CCDC91: variants seen among roughly 807,000 people sequenced by gnomAD.
CCDC91 encodes the protein coiled-coil domain containing 91.
A neutral mutation model predicts 63.2 loss-of-function variants in CCDC91; 48 were observed. That is an observed-to-expected ratio of 0.76 (90% CI 0.60 to 0.97). The LOEUF (loss-of-function observed/expected upper bound fraction) is 0.97. Among genes scored for constraint, CCDC91 ranks in the 50% least tolerant of loss-of-function variants. The pLI is 0.00. For synonymous variants in CCDC91, 167 were observed against 165.8 expected (o/e 1.01, Z -0.06); for missense variants, 500 against 494.6 (o/e 1.01, Z -0.10).
chr12:28,468,777 G>T (rs1382351539), intron 11 of CCDC91, among the ~76,000 whole-genome samples: 1 of 152,008 alleles, frequency 6.6e-6, no homozygotes, highest in Non-Finnish European at 1.5e-5. Flanking sequence ...TGCAAGGACG[G>T]TTAACAAATG....
At chr12:28,341,973 T>C (rs1942458096) in intron 6 of CCDC91, among the ~76,000 whole-genome samples, 1 of 152,238 alleles carries the variant, frequency 6.6e-6, no homozygotes, top group South Asian at 2.1e-4. Context: ...ATATGTTGCA[T>C]GTCAAGAGAT....
intron 3 of CCDC91, among the ~76,000 whole-genome samples, chr12:28,266,791 TA>T (rs1947216805): frequency 6.6e-6 from 1 of 151,876 alleles, no homozygotes; most frequent in Admixed American, 6.6e-5. Flanking sequence ...CTGATACTGC[TA>T]AAAAATGAAG....
At chr12:28,275,467 A>T (rs1948142805) in intron 3 of CCDC91, among the ~76,000 whole-genome samples, 1 of 152,156 alleles carries the variant, frequency 6.6e-6, no homozygotes, top group Non-Finnish European at 1.5e-5. Flanking sequence ...TCTGAAATTG[A>T]GGCAGTAAGT....
chr12:28,485,108 A>G (rs768416901), intron 12 of CCDC91, among the ~76,000 whole-genome samples: 2 of 151,868 alleles, frequency 1.3e-5, no homozygotes, highest in Non-Finnish European at 2.9e-5. Context: ...TGCAGTTGGC[A>G]GTTCAAGAAG....
At chr12:28,243,443 C>T (rs1236630965) in intron 1 of CCDC91, among the ~76,000 whole-genome samples, 2 of 152,194 alleles carry the variant, frequency 1.3e-5, no homozygotes, top group Non-Finnish European at 2.9e-5. Context: ...GAATTCACTA[C>T]ATTCACCAAA....
At chr12:28,475,460 A>G (rs1951032263) in intron 11 of CCDC91, among the ~76,000 whole-genome samples, 3 of 152,098 alleles carry the variant, frequency 2.0e-5, no homozygotes, top group Admixed American at 6.6e-5. Flanking sequence ...TAAAATTTTT[A>G]GAGGATTAAG....
chr12:28,524,914 T>A (rs1456904234), intron 12 of CCDC91, among the ~76,000 whole-genome samples: 1 of 152,164 alleles, frequency 6.6e-6, no homozygotes, highest in African/African-American at 2.4e-5. Flanking sequence ...TGAATGATGT[T>A]TAGTATTTCT....
At chr12:28,210,366 G>A (rs750548463) in intron 1 of CCDC91, among the ~76,000 whole-genome samples, 8 of 152,092 alleles carry the variant, frequency 5.3e-5, no homozygotes, top group African/African-American at 7.2e-5. Flanking sequence ...AAATATTTAA[G>A]TGCCTATTTT....
rs1325262493 is a variant in CCDC91, at chr12:28,521,038, T to C, written c.1216-28025T>C. On this transcript the variant is annotated intron_variant, in intron 12 of 12. Transcript: ENST00000536442. The stretch of plus-strand genomic sequence containing the variant: ...CCAGCTTTGTTCTTTTGGCTTAGGA[T>C]TGACTTGGCAATGCGGGCTCTTTTT... 2.0e-5 allele frequency among the ~76,000 whole-genome samples: 3 copies of C among 152,358 alleles called. No individual in the cohort carries two copies. In the East Asian group the frequency reaches 5.8e-4, roughly 29 times the overall value.
At chr12:28,325,838 A>G (rs12311504) in intron 6 of CCDC91, among the ~76,000 whole-genome samples, 62,861 of 151,814 alleles carry the variant, frequency 0.41, 13,380 homozygotes, top group South Asian at 0.47. Context: ...TGAAACTTCT[A>G]TTTAGGAAAT....
At chr12:28,280,439 A>ATT (rs1294204943) in intron 3 of CCDC91, among the ~76,000 whole-genome samples, 1 of 152,062 alleles carries the variant, frequency 6.6e-6, no homozygotes, top group East Asian at 1.9e-4. Context: ...CATTTACAAC[A>ATT]TGACACTAGC....
chr12:28,231,396 T>C (rs934420232), intron 1 of CCDC91, among the ~76,000 whole-genome samples: 5 of 152,244 alleles, frequency 3.3e-5, no homozygotes, highest in Admixed American at 1.3e-4. Flanking sequence ...GGGACATCAA[T>C]AGCTGATTAA....
chr12:28,497,546 C>A (rs938774412), intron 12 of CCDC91, among the ~76,000 whole-genome samples: 4 of 151,454 alleles, frequency 2.6e-5, no homozygotes, highest in African/African-American at 9.7e-5. Flanking sequence ...TGAATCTTTT[C>A]CAGATGACTT....
At chr12:28,192,812 A>G (rs1464333626) in intron 1 of CCDC91, among the ~76,000 whole-genome samples, 1 of 152,214 alleles carries the variant, frequency 6.6e-6, no homozygotes, top group East Asian at 1.9e-4. Context: ...AGTAATTTTT[A>G]TTATATTGCT....
intron 1 of CCDC91, among the ~76,000 whole-genome samples, chr12:28,248,704 C>T (rs1945923732): frequency 6.6e-6 from 1 of 152,166 alleles, no homozygotes; most frequent in South Asian, 2.1e-4. Flanking sequence ...ACAATAGTGT[C>T]TGAAGTTGAG....
chr12:28,211,402 T>C (rs1487200992), intron 1 of CCDC91, among the ~76,000 whole-genome samples: 2 of 152,066 alleles, frequency 1.3e-5, no homozygotes, highest in African/African-American at 2.4e-5. Flanking sequence ...TGACAAAACA[T>C]AGACATTAGC....
At chr12:28,341,052 C>T (rs1376444033) in intron 6 of CCDC91, among the ~76,000 whole-genome samples, 1 of 152,152 alleles carries the variant, frequency 6.6e-6, no homozygotes, top group African/African-American at 2.4e-5. Flanking sequence ...CTGTCCACCC[C>T]AATCAAACCC....
intron 3 of CCDC91, among the ~76,000 whole-genome samples, chr12:28,261,831 A>G (rs957291626): frequency 1.3e-5 from 2 of 151,954 alleles, no homozygotes; most frequent in Non-Finnish European, 2.9e-5. Flanking sequence ...TCTGGCACAC[A>G]CACACATGCA....
intron 7 of CCDC91, among the ~76,000 whole-genome samples, chr12:28,388,671 C>G (rs1945754443): frequency 6.6e-6 from 1 of 152,126 alleles, no homozygotes; most frequent in Non-Finnish European, 1.5e-5. Context: ...GTGAAAATGA[C>G]CATACTGCCA....
Sources: gnomAD v4.1 joint callset for allele counts (sites outside exome capture counted in the v4.1 genomes callset) on GRCh38, gnomAD v4.1.1 for gene constraint, MANE v1.5 for transcripts, NCBI Gene and HGNC (gene_info 2026-07-23, HGNC 2026-07-21) for gene names.